Variants in MPPED2 observed in about 807,000 individuals in gnomAD.
The protein encoded by MPPED2 is metallophosphoesterase domain containing 2.
In MPPED2, 5 loss-of-function variants were observed where a neutral mutation model predicts 33.0. The ratio of observed to expected loss-of-function variants is 0.15; its 90% CI spans 0.08 to 0.32. The LOEUF (loss-of-function observed/expected upper bound fraction) is 0.32, where lower values mean the gene tolerates loss of function less well. MPPED2 is among the 10% of genes least tolerant of loss of function. MPPED2 has a pLI of 1.00. For missense variants in MPPED2, 275 were observed against 372.1 expected, an observed-to-expected ratio of 0.74 and a Z score of 2.15; for synonymous variants, 136 against 141.9, an observed-to-expected ratio of 0.96 and a Z score of 0.29.
At chr11:30,457,868 C>T (rs1284766556) in intron 4 of MPPED2, among the ~76,000 whole-genome samples, 1 of 152,182 alleles carries the variant, frequency 6.6e-6, no homozygotes, top group Non-Finnish European at 1.5e-5. Context: ...TCTCTGTCCC[C>T]AGATACAATT....
At chr11:30,439,118 T>C (rs1286263111) in intron 4 of MPPED2, among the ~76,000 whole-genome samples, 2 of 152,238 alleles carry the variant, frequency 1.3e-5, no homozygotes, top group Non-Finnish European at 2.9e-5. Flanking sequence ...GAATGGAGTC[T>C]AGTTACGAAG....
intron 4 of MPPED2, among the ~76,000 whole-genome samples, chr11:30,418,345 C>T (rs1332997837): frequency 2.0e-5 from 3 of 152,226 alleles, no homozygotes; most frequent in Non-Finnish European, 2.9e-5. Flanking sequence ...GGAACTTCTG[C>T]TCCAAGAATG....
chr11:30,394,071 C>A (rs948871730), intron 6 of MPPED2, among the ~76,000 whole-genome samples: 8 of 152,146 alleles, frequency 5.3e-5, no homozygotes, highest in Admixed American at 2.6e-4. Flanking sequence ...AATGTCTTTG[C>A]GATTCATCCA....
chr11:30,386,799 A>G, exon 7 of MPPED2: 1 of 398,578 alleles, frequency 2.5e-6, no homozygotes, highest in Non-Finnish European at 4.4e-6. Context: ...GCCTTCACTC[A>G]TATTAGTAGG....
upstream of MPPED2, among the ~76,000 whole-genome samples, chr11:30,586,489 C>G (rs892043808): frequency 2.0e-5 from 3 of 151,998 alleles, no homozygotes; most frequent in Admixed American, 2.0e-4. This position sits in a 1 kb window ranked among gnomAD's most constrained non-coding sequence, Gnocchi z 4.8. Flanking sequence ...ACTCGGACCC[C>G]CACCGGTGCC....
chr11:30,472,320 C>A (rs534474035), intron 4 of MPPED2, among the ~76,000 whole-genome samples: 28 of 152,018 alleles, frequency 1.8e-4, no homozygotes, highest in African/African-American at 6.8e-4. Flanking sequence ...GTGGTGGTGC[C>A]ATAGCGCTCC....
chr11:30,514,305 C>T (rs1953396336), intron 3 of MPPED2, among the ~76,000 whole-genome samples: 1 of 152,176 alleles, frequency 6.6e-6, no homozygotes, highest in African/African-American at 2.4e-5. Context: ...ATCACCTATA[C>T]AAAGAGACAT....
downstream of MPPED2, among the ~76,000 whole-genome samples, chr11:30,407,306 G>A (rs1044858190): frequency 6.6e-6 from 1 of 152,230 alleles, no homozygotes; most frequent in Non-Finnish European, 1.5e-5. Flanking sequence ...CAAGGGCAGA[G>A]AGATGCTGTG....
Position 30,552,981 on chromosome 11 carries a change from C to A in MPPED2, c.129-16806G>T, listed in dbSNP as rs6484489. 4.3e-3 allele frequency among the ~76,000 whole-genome samples: 650 copies of A among 152,266 alleles called. 5 individuals are homozygous for A. Among genetic ancestry groups the A allele is most frequent in the African/African-American group, 0.015 (608 of 41,562 alleles). On this transcript the variant is annotated intron_variant, in intron 2 of 6. Coordinates refer to ENST00000358117, the MANE Select transcript of MPPED2 (RefSeq NM_001584.3). ...CAGTAGTTCTGGTCAACAATTACAG[C>A]AACTCCTCTAGGATAAATAAAATAA...
intron 6 of MPPED2, among the ~76,000 whole-genome samples, chr11:30,400,194 C>T (rs527547384): frequency 6.6e-6 from 1 of 152,268 alleles, no homozygotes; most frequent in East Asian, 1.9e-4. Flanking sequence ...TAATCAGCCT[C>T]CTGAGTAGCT....
In MPPED2 at chr11:30,580,331, C is replaced by T. The variant is rs1468025000; in HGVS notation, c.43G>A (p.Val15Met). The T allele has an allele frequency of 6.2e-7, 1 of 1,614,108 alleles. No individual in the cohort carries two copies. ...GTGGGGTTTGAGCTGTACTCATCCA[C>T]CGTTATGGTAACTTTGCCTTGAGAA... is the stretch of plus-strand genomic sequence containing the variant. ...IPSQGKVTIT[V>M]DEYSSNPTQA... The change falls in exon 2 of 7, where the codon GTG (valine) becomes ATG (methionine). Residue 15 changes from valine to methionine, a missense_variant. Val to Met is a conservative substitution (Grantham distance 21). Transcript: ENST00000358117.
At chr11:30,476,865 T>C (rs1358882175) in intron 4 of MPPED2, among the ~76,000 whole-genome samples, 1 of 152,052 alleles carries the variant, frequency 6.6e-6, no homozygotes, top group Non-Finnish European at 1.5e-5. Flanking sequence ...AAACATAATA[T>C]ATCTTCATTT....
intron 6 of MPPED2, among the ~76,000 whole-genome samples, chr11:30,393,865 A>G (rs1346358228): frequency 1.3e-5 from 2 of 152,114 alleles, no homozygotes; most frequent in Non-Finnish European, 2.9e-5. Flanking sequence ...CACAGTATAG[A>G]TTTGTGTAGC....
chr11:30,453,509 T>C (rs1470266925), intron 4 of MPPED2, among the ~76,000 whole-genome samples: 1 of 152,218 alleles, frequency 6.6e-6, no homozygotes, highest in Admixed American at 6.5e-5. Context: ...TTGTAAATAG[T>C]GTACTGCAAC....
At chr11:30,413,979 CA>C (rs1948227479) in intron 6 of MPPED2, among the ~76,000 whole-genome samples, 1 of 152,088 alleles carries the variant, frequency 6.6e-6, no homozygotes, top group Admixed American at 6.5e-5. Flanking sequence ...CAGAAGCTGC[CA>C]GGGGGAGTGC....
intron 2 of MPPED2, among the ~76,000 whole-genome samples, chr11:30,577,679 G>T (rs932573523): frequency 4.7e-4 from 71 of 152,136 alleles, no homozygotes; most frequent in African/African-American, 1.7e-3. Context: ...CCTACCATAG[G>T]TCAGTCACTG....
chr11:30,524,196 T>C (rs1954035268), intron 3 of MPPED2, among the ~76,000 whole-genome samples: 1 of 151,890 alleles, frequency 6.6e-6, no homozygotes. Context: ...GAGGTTGCAG[T>C]GAGCTGAGAT....
rs1948111817 is a variant in MPPED2 at position 30,411,693 on chromosome 11, G to A, written c.767-107C>T. The A allele has an allele frequency of 3.9e-6, 3 of 778,678 alleles. No individual in the cohort carries two copies. The South Asian group carries it at 1.0e-4, about 26-fold the overall frequency. The allele number at this position is 778,678 out of a possible 1,614,324, so 48.2% of individuals were successfully genotyped here. On this transcript the variant is annotated intron_variant, in intron 6 of 6. Transcript: ENST00000358117. The stretch of plus-strand genomic sequence containing the variant: ...AAAAATTTTTGTCAGTGGGCAGTGA[G>A]ATGAAATTCAGTTGAGCCTCCTCAG...
chr11:30,576,943 G>A (rs1956958322), intron 2 of MPPED2, among the ~76,000 whole-genome samples: 1 of 151,980 alleles, frequency 6.6e-6, no homozygotes, highest in African/African-American at 2.4e-5. Flanking sequence ...TAGAGAGCTT[G>A]GTGGTAATCT....
Sources: gnomAD v4.1 joint callset for allele counts (sites outside exome capture counted in the v4.1 genomes callset) on GRCh38, gnomAD v4.1.1 for gene constraint, Gnocchi (gnomAD v3.1) non-coding constraint, MANE v1.5 for transcripts, NCBI Gene and HGNC (gene_info 2026-07-23, HGNC 2026-07-21) for gene names.